KCNIP4: variants seen among roughly 807,000 people sequenced by gnomAD.
The protein encoded by KCNIP4 is Kv channel-interacting protein 4.
In KCNIP4, 12 loss-of-function variants were observed where a neutral mutation model predicts 34.0. The observed-to-expected ratio is 0.35, with a 90% confidence interval of 0.23 to 0.57. The LOEUF (loss-of-function observed/expected upper bound fraction) is 0.57, where lower values mean the gene tolerates loss of function less well. Among genes scored for constraint, KCNIP4 ranks in the 20% least tolerant of loss-of-function variants. KCNIP4 has a pLI of 0.83. For synonymous variants in KCNIP4, 124 were observed against 102.2 expected, an observed-to-expected ratio of 1.21 and a Z score of -1.29; for missense variants, 238 against 311.7, an observed-to-expected ratio of 0.76 and a Z score of 1.78.
At chr4:21,129,544 C>A (rs1401373600) in intron 1 of KCNIP4, among the ~76,000 whole-genome samples, 1 of 152,142 alleles carries the variant, frequency 6.6e-6, no homozygotes, top group Admixed American at 6.5e-5. Flanking sequence ...TCATTGTGTC[C>A]ACGGCAAGGA....
In KCNIP4 at chr4:21,652,718, G is replaced by A. The variant is rs541704105; in HGVS notation, c.61+295853C>T. Reference sequence around the variant, plus strand: ...CTGCTGCAACAGTGTATTCAGCATCGGAGGCCAAAAGATCACCAAAGAGAT... The same window carrying A: ...CTGCTGCAACAGTGTATTCAGCATCAGAGGCCAAAAGATCACCAAAGAGAT... On this transcript the variant is annotated intron_variant, in intron 1 of 8. Coordinates refer to ENST00000382152, the MANE Select transcript of KCNIP4 (RefSeq NM_025221.6). Among the ~76,000 whole-genome samples, 253 of 152,184 alleles carry A rather than the reference G, an allele frequency of 1.7e-3. 1 individual carries two copies. The highest frequency in any genetic ancestry group is 2.3e-3 in the Non-Finnish European group (157 of 68,020).
chr4:20,999,468 A>G (rs1737903939), intron 1 of KCNIP4, among the ~76,000 whole-genome samples: 1 of 130,060 alleles, frequency 7.7e-6, no homozygotes, highest in South Asian at 2.5e-4. Context: ...TCTTGAGAGC[A>G]TGAGAGAGCC....
chr4:20,789,451 T>C (rs184400970), intron 3 of KCNIP4, among the ~76,000 whole-genome samples: 2 of 152,262 alleles, frequency 1.3e-5, no homozygotes, highest in African/African-American at 4.8e-5. Flanking sequence ...AACAGCTTTA[T>C]GACTTGAAAA....
intron 1 of KCNIP4, among the ~76,000 whole-genome samples, chr4:21,432,089 A>G (rs1726511920): frequency 2.3e-5 from 1 of 42,712 alleles, no homozygotes; most frequent in South Asian, 1.0e-3. Context: ...TGAAAATGGA[A>G]GCATATATAT....
intron 1 of KCNIP4, chr4:21,845,173 A>T (rs1723935993): frequency 6.6e-6 from 1 of 152,022 alleles, no homozygotes; most frequent in Non-Finnish European, 1.5e-5. Context: ...TATTATCCAA[A>T]TAGAGGGTTG....
intron 1 of KCNIP4, among the ~76,000 whole-genome samples, chr4:20,899,242 A>C (rs989023906): frequency 6.6e-6 from 1 of 152,220 alleles, no homozygotes; most frequent in Non-Finnish European, 1.5e-5. Flanking sequence ...TATCAGCATA[A>C]CAGAAAAATC....
chr4:21,522,530 G>A (rs1218008781), intron 1 of KCNIP4, among the ~76,000 whole-genome samples: 1 of 151,882 alleles, frequency 6.6e-6, no homozygotes, highest in Non-Finnish European at 1.5e-5. Flanking sequence ...ACAGCTTACA[G>A]TATATTCTTT....
At chr4:21,909,340 C>G (rs967336723) in intron 1 of KCNIP4, among the ~76,000 whole-genome samples, 6 of 152,058 alleles carry the variant, frequency 3.9e-5, no homozygotes, top group Admixed American at 1.3e-4. Context: ...GGCTTCTCCC[C>G]CTGCCTGGAA....
At chr4:21,134,137 T>A (rs1231942828) in intron 1 of KCNIP4, among the ~76,000 whole-genome samples, 1 of 152,184 alleles carries the variant, frequency 6.6e-6, no homozygotes, top group Non-Finnish European at 1.5e-5. Context: ...TTGAACAACA[T>A]GGGTTTGAAT....
chr4:20,900,846 G>A (rs949023226), intron 1 of KCNIP4, among the ~76,000 whole-genome samples: 4 of 151,920 alleles, frequency 2.6e-5, no homozygotes, highest in Admixed American at 1.3e-4. Context: ...ATTGAGAAAA[G>A]ATATCTGGAG....
chr4:21,153,789 G>A (rs1205131444), intron 1 of KCNIP4, among the ~76,000 whole-genome samples: 1 of 151,992 alleles, frequency 6.6e-6, no homozygotes, highest in Non-Finnish European at 1.5e-5. Context: ...TGAGCACTCA[G>A]TCATGTAAAC....
At position 20,995,239 on chromosome 4, in the gene KCNIP4, T is replaced by C. The variant is rs371762147; in HGVS notation, c.62-112530A>G. ...TTTAGATTTTTTTTCTTTTCTAGTCTTATAGAGATCTTTTTCTCTGTTGGG... is the reference window on the plus strand; with the variant it reads ...TTTAGATTTTTTTTCTTTTCTAGTCCTATAGAGATCTTTTTCTCTGTTGGG... On this transcript the variant is annotated intron_variant, in intron 1 of 8. Coordinates refer to ENST00000382152, the MANE Select transcript of KCNIP4 (RefSeq NM_025221.6). 2.7e-3 allele frequency among the ~76,000 whole-genome samples: 418 copies of C among 152,304 alleles called. 8 individuals are homozygous for C. In the South Asian group the frequency reaches 0.052, roughly 19 times the overall value.
intron 1 of KCNIP4, among the ~76,000 whole-genome samples, chr4:21,916,175 G>A (rs1018238641): frequency 3.3e-5 from 5 of 152,144 alleles, no homozygotes; most frequent in South Asian, 4.1e-4. Flanking sequence ...GAGTAAAGAC[G>A]TGACTATATG....
intron 1 of KCNIP4, among the ~76,000 whole-genome samples, chr4:21,418,607 A>G (rs955020121): frequency 6.6e-6 from 1 of 152,184 alleles, no homozygotes; most frequent in African/African-American, 2.4e-5. Flanking sequence ...ATATAAAGAG[A>G]CTTTTGCTAT....
At chr4:20,821,611 T>C (rs1424009403) in intron 3 of KCNIP4, among the ~76,000 whole-genome samples, 1 of 152,120 alleles carries the variant, frequency 6.6e-6, no homozygotes, top group Non-Finnish European at 1.5e-5. Flanking sequence ...ACTCAATATG[T>C]AGCCTTTGAT....
chr4:20,985,212 G>A (rs1328786765), intron 1 of KCNIP4, among the ~76,000 whole-genome samples: 1 of 152,132 alleles, frequency 6.6e-6, no homozygotes, highest in African/African-American at 2.4e-5. Flanking sequence ...TCTTGTGCAA[G>A]ACACTTAACC....
chr4:21,846,762 T>C (rs1020872308), intron 1 of KCNIP4: 3 of 152,096 alleles, frequency 2.0e-5, no homozygotes, highest in African/African-American at 7.2e-5. Context: ...GCTCCACCTG[T>C]CCTGGGTTTT....
At position 21,757,190 on chromosome 4, in the gene KCNIP4, GGAAGGAAGGAAA is replaced by G. The variant is rs1352627090; in HGVS notation, c.61+191369_61+191380del. 4.3e-3 allele frequency among the ~76,000 whole-genome samples: 148 copies of G among 34,802 alleles called. 2 individuals are homozygous for G. Among genetic ancestry groups the G allele is most frequent in the Admixed American group, 0.026 (100 of 3,912 alleles). 22.8% of individuals were successfully genotyped at this position (34,802 alleles called of 152,430 possible). On this transcript the variant is annotated intron_variant, in intron 1 of 8. Transcript: ENST00000382152. Reference sequence around the variant, plus strand: ...AAGAAGGAAGGAAGGAAGGAAGGAAGGAAGGAAGGAAAGAAAGAAAGAAAGAAAGAAAGAAAG... The same window carrying G: ...AAGAAGGAAGGAAGGAAGGAAGGAAGGAAAGAAAGAAAGAAAGAAAGAAAG...
chr4:20,847,473 C>G (rs1050743819), intron 3 of KCNIP4, among the ~76,000 whole-genome samples: 1 of 152,168 alleles, frequency 6.6e-6, no homozygotes, highest in African/African-American at 2.4e-5. Flanking sequence ...TGTGTCTTGA[C>G]AAGCCCTTCA....
Sources: gnomAD v4.1 joint callset for allele counts (sites outside exome capture counted in the v4.1 genomes callset) on GRCh38, gnomAD v4.1.1 for gene constraint, MANE v1.5 for transcripts, NCBI Gene and HGNC (gene_info 2026-07-23, HGNC 2026-07-21) for gene names.